The following KCNMB2 variants were observed in gnomAD, a reference collection of about 807,000 sequenced individuals.
KCNMB2 encodes calcium-activated potassium channel subunit beta-2.
A neutral mutation model predicts 24.5 loss-of-function variants in KCNMB2; 9 were observed. That is an observed-to-expected ratio of 0.37 (90% CI 0.22 to 0.64). The LOEUF is 0.64. KCNMB2 is among the 30% of genes least tolerant of loss of function. The probability of loss-of-function intolerance (pLI) is 0.63; values close to 1 mark genes in which losing one functional copy is unlikely to be tolerated. For synonymous variants in KCNMB2, 109 were observed against 104.4 expected (o/e 1.04, Z -0.27); for missense variants, 226 against 284.3 (o/e 0.79, Z 1.47).
chr3:178,780,696 C>T (rs1289973597), intron 1 of KCNMB2, among the ~76,000 whole-genome samples: 1 of 152,174 alleles, frequency 6.6e-6, no homozygotes, highest in Admixed American at 6.5e-5. Context: ...CCCGTATCTA[C>T]TACTTGAAAA....
intron 1 of KCNMB2, among the ~76,000 whole-genome samples, chr3:178,665,514 A>T (rs768042405): frequency 8.5e-5 from 13 of 152,176 alleles, no homozygotes; most frequent in Non-Finnish European, 1.6e-4. Flanking sequence ...TCAAAACCAC[A>T]TATATTTATA....
At chr3:178,738,077 C>T (rs533141371) in intron 1 of KCNMB2, among the ~76,000 whole-genome samples, 1 of 152,214 alleles carries the variant, frequency 6.6e-6, no homozygotes, top group East Asian at 1.9e-4. Flanking sequence ...ATTGATTAAC[C>T]ACTTTTATTA....
chr3:178,641,531 A>T (rs1358309881), intron 1 of KCNMB2, among the ~76,000 whole-genome samples: 3 of 152,032 alleles, frequency 2.0e-5, no homozygotes, highest in Non-Finnish European at 4.4e-5. Context: ...TTGTTCGGGG[A>T]CCTTGCTATA....
chr3:178,752,773 G>T (rs1723894306), intron 1 of KCNMB2, among the ~76,000 whole-genome samples: 1 of 152,118 alleles, frequency 6.6e-6, no homozygotes, highest in South Asian at 2.1e-4. Flanking sequence ...CTGAAGGAGA[G>T]TAGAAATTAA....
chr3:178,726,890 T>C (rs987285463), intron 1 of KCNMB2, among the ~76,000 whole-genome samples: 1 of 152,072 alleles, frequency 6.6e-6, no homozygotes, highest in African/African-American at 2.4e-5. Flanking sequence ...TGAAAAGATA[T>C]ATTGTCTCTT....
At chr3:178,659,370 C>T (rs1478851919) in intron 1 of KCNMB2, among the ~76,000 whole-genome samples, 2 of 152,186 alleles carry the variant, frequency 1.3e-5, no homozygotes. Context: ...TATTGTGAAG[C>T]TGGAGAGTTA....
chr3:178,624,246 T>A (rs1299884017), intron 1 of KCNMB2, among the ~76,000 whole-genome samples: 1 of 8,252 alleles, frequency 1.2e-4, no homozygotes, highest in Admixed American at 1.2e-3. Context: ...ACTGGGTAAT[T>A]TTTTTTTTTT....
intron 1 of KCNMB2, among the ~76,000 whole-genome samples, chr3:178,575,263 G>A (rs758584334): frequency 2.1e-4 from 32 of 152,186 alleles, no homozygotes; most frequent in Non-Finnish European, 4.3e-4. Flanking sequence ...ACAGAAGGAA[G>A]GGGACTCAGT....
At chr3:178,837,117 G>T (rs547095054) in intron 4 of KCNMB2, among the ~76,000 whole-genome samples, 4 of 152,150 alleles carry the variant, frequency 2.6e-5, no homozygotes, top group Admixed American at 6.5e-5. Flanking sequence ...AGGGACATGA[G>T]ATGACAGCCA....
chr3:178,684,359 G>C (rs989788201), intron 1 of KCNMB2, among the ~76,000 whole-genome samples: 8 of 150,302 alleles, frequency 5.3e-5, no homozygotes, highest in Non-Finnish European at 7.4e-5. Context: ...AGGAAATGGG[G>C]AGATGTAGAT....
chr3:178,556,561 C>G (rs944860216), intron 1 of KCNMB2, among the ~76,000 whole-genome samples: 5 of 152,138 alleles, frequency 3.3e-5, no homozygotes, highest in Non-Finnish European at 5.9e-5. Context: ...CCTGCCACCA[C>G]GCCCAGCTAA....
intron 3 of KCNMB2, among the ~76,000 whole-genome samples, 191 bp from the exon 4 acceptor site, chr3:178,827,987 G>A (rs538944695): frequency 2.6e-5 from 4 of 152,296 alleles, no homozygotes; most frequent in South Asian, 2.1e-4. Context: ...ACGTGTCCAC[G>A]TTTGTCTATG....
chr3:178,758,186 G>T (rs1291211549), intron 1 of KCNMB2, among the ~76,000 whole-genome samples: 2 of 48,364 alleles, frequency 4.1e-5, no homozygotes, highest in African/African-American at 1.7e-4. Context: ...ATATATCCAA[G>T]GGGATATATA....
chr3:178,595,059 C>CAAAAAA lies in KCNMB2; in HGVS notation c.-68+58359_-68+58364dup, dbSNP rs57471892. Among the ~76,000 whole-genome samples the CAAAAAA allele has an allele frequency of 2.8e-4, 35 of 123,742 alleles. 1 individual carries two copies. The highest frequency in any genetic ancestry group is 5.2e-4 in the African/African-American group (18 of 34,370). 81.2% of individuals were successfully genotyped at this position (123,742 alleles called of 152,430 possible). ...GCCTTAGTGGCATATACAGTATTTGCAAAAAAAAAAAAAAAATCAATACAT... is the reference window on the plus strand; with the variant it reads ...GCCTTAGTGGCATATACAGTATTTGCAAAAAAAAAAAAAAAAAAAAAATCAATACAT... On this transcript the variant is annotated intron_variant, in intron 1 of 4. Coordinates refer to ENST00000452583, the MANE Select transcript of KCNMB2 (RefSeq NM_181361.3).
chr3:178,657,584 C>G (rs1172539817), intron 1 of KCNMB2, among the ~76,000 whole-genome samples: 1 of 152,228 alleles, frequency 6.6e-6, no homozygotes, highest in Non-Finnish European at 1.5e-5. Flanking sequence ...TGTCTGTGGT[C>G]TGTAATCAGT....
intron 1 of KCNMB2, among the ~76,000 whole-genome samples, chr3:178,706,944 C>T (rs1446022244): frequency 6.6e-6 from 1 of 152,142 alleles, no homozygotes; most frequent in African/African-American, 2.4e-5. Flanking sequence ...ACCACCATGG[C>T]ACATGTATAC....
chr3:178,830,221 ACTTTC>A (rs1715001883), intron 4 of KCNMB2, among the ~76,000 whole-genome samples: 2 of 152,198 alleles, frequency 1.3e-5, no homozygotes, highest in South Asian at 4.1e-4. Flanking sequence ...CACATAGAAT[ACTTTC>A]CTTTCTGTCT....
chr3:178,786,028 A>G (rs1409113004), intron 1 of KCNMB2, among the ~76,000 whole-genome samples: 1 of 152,188 alleles, frequency 6.6e-6, no homozygotes, highest in Non-Finnish European at 1.5e-5. Context: ...ATTCAAACTC[A>G]GTCATCTCTA....
intron 1 of KCNMB2, among the ~76,000 whole-genome samples, chr3:178,570,990 T>C (rs1475049613): frequency 1.3e-5 from 2 of 152,202 alleles, no homozygotes; most frequent in Non-Finnish European, 2.9e-5. Flanking sequence ...AAAGTGGTTT[T>C]CCCAAGAAAG....
Sources: allele counts gnomAD v4.1 joint callset (sites outside exome capture counted in the v4.1 genomes callset), GRCh38; gene constraint gnomAD v4.1.1; transcripts MANE v1.5; gene names NCBI Gene and HGNC (gene_info 2026-07-23, HGNC 2026-07-21).